EEPD1: variants seen among roughly 807,000 people sequenced by gnomAD.
EEPD1 encodes the protein endonuclease/exonuclease/phosphatase family domain containing 1, also known as endonuclease/exonuclease/phosphatase family domain-containing protein 1.
EEPD1 carries 17 observed loss-of-function variants against 46.3 expected under a neutral mutation model. That is an observed-to-expected ratio of 0.37 (90% CI 0.25 to 0.55). The LOEUF (loss-of-function observed/expected upper bound fraction) is 0.55, where lower values mean the gene tolerates loss of function less well. Ranked by LOEUF, EEPD1 falls within the 20% of genes least tolerant of loss-of-function variation. The pLI is 0.83. For missense variants in EEPD1, 673 were observed against 745.6 expected (o/e 0.90, Z 1.13); for synonymous variants, 313 against 315.6 (o/e 0.99, Z 0.09).
intron 2 of EEPD1, among the ~76,000 whole-genome samples, chr7:36,184,931 G>A (rs1053663201): frequency 6.6e-6 from 1 of 152,120 alleles, no homozygotes; most frequent in Non-Finnish European, 1.5e-5. Flanking sequence ...AGGTTTCACT[G>A]TGTTGGCCAG....
At chr7:36,250,415 G>T (rs762186991) in intron 3 of EEPD1, among the ~76,000 whole-genome samples, 5 of 152,146 alleles carry the variant, frequency 3.3e-5, no homozygotes, top group African/African-American at 7.2e-5. Flanking sequence ...AGATGGAGCT[G>T]CCCTGAGTGG....
chr7:36,281,156 C>T lies in EEPD1; in HGVS notation c.972C>T (p.Arg324=). 6.2e-7 allele frequency: 1 copy of T among 1,614,194 alleles called. No individual in the cohort carries two copies. The highest frequency in any genetic ancestry group is 8.5e-7 in the Non-Finnish European group (1 of 1,180,046). ...ACCAGCCGACCCTGCCCAACATCCG[C>T]AAGTGGAAGGGGCCCCGGGGATGCT... The part of the protein sequence containing the change: ...ELNQPTLPNI[R]KWKGPRGCWK... Residue 324 remains arginine, a synonymous_variant, in exon 4 of 8, where the codon CGC becomes CGT. Transcript: ENST00000242108.
intron 2 of EEPD1, among the ~76,000 whole-genome samples, chr7:36,212,029 G>T (rs73338950): frequency 0.039 from 5,927 of 152,028 alleles, 386 homozygotes; most frequent in African/African-American, 0.14. Context: ...AATGTTTAAA[G>T]CCTGTAATAT....
At chr7:36,291,748 C>G (rs1046303873) in intron 6 of EEPD1, among the ~76,000 whole-genome samples, 4 of 152,202 alleles carry the variant, frequency 2.6e-5, no homozygotes, top group African/African-American at 4.8e-5. Context: ...AAAGATTTGC[C>G]AAGTGTCGTG....
intron 2 of EEPD1, among the ~76,000 whole-genome samples, chr7:36,185,945 T>G (rs1327129013): frequency 6.6e-6 from 1 of 152,214 alleles, no homozygotes; most frequent in Non-Finnish European, 1.5e-5. Context: ...AAGGGCCCAT[T>G]TAACACTGGA....
intron 5 of EEPD1, among the ~76,000 whole-genome samples, chr7:36,285,564 T>C (rs932442637): frequency 1.3e-5 from 2 of 152,108 alleles, no homozygotes; most frequent in Admixed American, 1.3e-4. Context: ...GGTCAGCAGC[T>C]GGACAGCAGA....
At chr7:36,226,848 T>C (rs1194593193) in intron 2 of EEPD1, among the ~76,000 whole-genome samples, 1 of 152,120 alleles carries the variant, frequency 6.6e-6, no homozygotes, top group Non-Finnish European at 1.5e-5. Flanking sequence ...TATGGCTTTA[T>C]ATATATAATA....
intron 3 of EEPD1, among the ~76,000 whole-genome samples, chr7:36,257,697 A>C (rs1013352796): frequency 3.3e-5 from 5 of 151,786 alleles, no homozygotes; most frequent in Non-Finnish European, 5.9e-5. Flanking sequence ...TCTTCTTTAA[A>C]CTGGTTATTC....
intron 3 of EEPD1, among the ~76,000 whole-genome samples, chr7:36,279,747 C>T (rs1247841170): frequency 6.6e-6 from 1 of 152,230 alleles, no homozygotes; most frequent in Non-Finnish European, 1.5e-5. Flanking sequence ...TTGCTGGGCC[C>T]ACTTCAGAGC....
chr7:36,296,832 A>T (rs74749184), intron 6 of EEPD1, among the ~76,000 whole-genome samples, 161 bp from the exon 7 acceptor site: 10 of 151,488 alleles, frequency 6.6e-5, no homozygotes, highest in Non-Finnish European at 1.3e-4. Flanking sequence ...GGTGATATGC[A>T]CATGAAATGT....
chr7:36,158,854 A>T (rs1784862511), intron 2 of EEPD1, among the ~76,000 whole-genome samples: 1 of 152,200 alleles, frequency 6.6e-6, no homozygotes, highest in African/African-American at 2.4e-5. Flanking sequence ...CTCTTTGGTT[A>T]TTGAAAGTAT....
chr7:36,289,972 C>T (rs761712593), intron 6 of EEPD1, among the ~76,000 whole-genome samples: 22 of 152,156 alleles, frequency 1.4e-4, no homozygotes, highest in Non-Finnish European at 2.4e-4. Context: ...CAGGACATGC[C>T]GTGACCAACG....
Position 36,155,102 on chromosome 7 carries a change from G to C in EEPD1, c.778G>C (p.Val260Leu), listed in dbSNP as rs778991786. Residue 260 changes from valine to leucine, a missense_variant, in exon 2 of 8, where the codon GTG (valine) becomes CTG (leucine). Coordinates refer to ENST00000242108, the MANE Select transcript of EEPD1 (RefSeq NM_030636.3). ...TGGAGGCACAAGGGATGGGAGGCCT[G>C]TGCTGAGGCTGGCCACCTGGAACTT... is the stretch of plus-strand genomic sequence containing the variant. ...AFGGTRDGRP[V>L]LRLATWNLQG... is the part of the protein sequence containing the mutation. The C allele has an allele frequency of 1.9e-6, 3 of 1,570,682 alleles. No homozygotes were observed. The South Asian group carries it at 3.6e-5, about 19-fold the overall frequency.
chr7:36,173,329 A>AT (rs1785122899), intron 2 of EEPD1, among the ~76,000 whole-genome samples: 1 of 149,744 alleles, frequency 6.7e-6, no homozygotes, highest in Non-Finnish European at 1.5e-5. Context: ...TATACTTAAA[A>AT]AAAAAAAAAA....
chr7:36,200,380 T>C (rs1049565631), intron 2 of EEPD1, among the ~76,000 whole-genome samples: 2 of 152,242 alleles, frequency 1.3e-5, no homozygotes, highest in African/African-American at 4.8e-5. Flanking sequence ...CAATCTGCCA[T>C]TGATGGACAT....
At chr7:36,231,215 G>GTC (rs1786319336) in intron 2 of EEPD1, 1 of 152,390 alleles carries the variant, frequency 6.6e-6, no homozygotes, top group African/African-American at 2.4e-5. Flanking sequence ...CTTCTGTGCT[G>GTC]TCAGTGTCTG....
chr7:36,251,035 A>G (rs1271457027), intron 3 of EEPD1, among the ~76,000 whole-genome samples: 3 of 152,160 alleles, frequency 2.0e-5, no homozygotes, highest in Non-Finnish European at 4.4e-5. Flanking sequence ...TTTAGACAAT[A>G]TCATGTCCCA....
Position 36,297,160 on chromosome 7 carries a change from A to G in EEPD1, c.1483A>G (p.Ser495Gly). ...GAAGTCTCTGGACAACATCTGGATC[A>G]GTAAAAGCTTAAAGAAGGTTTTCAC... The part of the protein sequence containing the change: ...GSKSLDNIWI[S>G]KSLKKVFTGH... Residue 495 changes from serine (S) to glycine (G), a missense_variant, in exon 7 of 8, where the codon AGT (serine) becomes GGT (glycine). Physicochemically the swap from Ser to Gly is moderately conservative, Grantham distance 56. Transcript: ENST00000242108. The G allele has an allele frequency of 6.2e-7, 1 of 1,614,230 alleles. No homozygotes were observed. Among genetic ancestry groups the G allele is most frequent in the African/African-American group, 1.3e-5 (1 of 75,062 alleles).
Position 36,153,621 on chromosome 7 carries a change from G to C in EEPD1, c.-246G>C, listed in dbSNP as rs1022627799. The C allele has an allele frequency of 6.6e-6, 1 of 152,552 alleles. No individual in the cohort carries two copies. The highest frequency in any genetic ancestry group is 1.5e-5 in the Non-Finnish European group (1 of 68,354). 9.4% of individuals were successfully genotyped at this position (152,552 alleles called of 1,614,324 possible). On this transcript the variant is annotated 5_prime_UTR_variant, in exon 1 of 8. Transcript: ENST00000242108. ...CCCGTGCTGTCCCGGGCTGGGCTCA[G>C]GCTTCCGAGCCGCAGGTGGAAGAGG...
Sources: allele counts gnomAD v4.1 joint callset (sites outside exome capture counted in the v4.1 genomes callset), GRCh38; gene constraint gnomAD v4.1.1; transcripts MANE v1.5; gene names NCBI Gene and HGNC (gene_info 2026-07-23, HGNC 2026-07-21).